Variants in ACER1 observed in about 807,000 individuals in gnomAD.
ACER1 encodes alkaline ceramidase 1.
ACER1 carries 28 observed loss-of-function variants against 24.9 expected under a neutral mutation model. The observed-to-expected ratio is 1.13, with a 90% CI of 0.83 to 1.54. The LOEUF (loss-of-function observed/expected upper bound fraction) is 1.54. ACER1 is among the 40% of genes most tolerant of loss of function. The pLI, the probability that ACER1 is intolerant of heterozygous loss-of-function variation, is 0.00. For synonymous variants in ACER1, 132 were observed against 131.4 expected (o/e 1.00, Z -0.03); for missense variants, 352 against 349.3 (o/e 1.01, Z -0.06).
upstream of ACER1, among the ~76,000 whole-genome samples, chr19:6,337,906 C>T (rs2091721464): frequency 1.3e-5 from 2 of 150,318 alleles, no homozygotes; most frequent in Non-Finnish European, 3.0e-5. Flanking sequence ...CTCGATCTCC[C>T]GACCTCGTGA....
At chr19:6,316,069 A>G (rs1304317833) in intron 1 of ACER1, among the ~76,000 whole-genome samples, 1 of 152,162 alleles carries the variant, frequency 6.6e-6, no homozygotes, top group Non-Finnish European at 1.5e-5. Context: ...CAGAGGTTGC[A>G]GTGAGCTGAG....
the ACER1 span, among the ~76,000 whole-genome samples, chr19:6,354,352 G>A: frequency 4.5e-3 from 691 of 152,106 alleles, 5 homozygotes; most frequent in African/African-American, 0.016. Context: ...GGGTGCTCCT[G>A]TTATCGAGTG....
intron 1 of ACER1, among the ~76,000 whole-genome samples, chr19:6,332,344 C>T (rs2091691869): frequency 6.8e-6 from 1 of 146,746 alleles, no homozygotes; most frequent in Admixed American, 6.9e-5. Context: ...GACCTCAGCT[C>T]ACTGCATCCT....
At chr19:6,325,931 A>T (rs1396107859) in intron 1 of ACER1, among the ~76,000 whole-genome samples, 2 of 151,586 alleles carry the variant, frequency 1.3e-5, no homozygotes, top group Non-Finnish European at 2.9e-5. Flanking sequence ...TTTCCATGGT[A>T]TTGTTTGTTT....
the ACER1 span, among the ~76,000 whole-genome samples, chr19:6,350,531 G>A: frequency 0.26 from 39,565 of 149,704 alleles, 7,191 homozygotes; most frequent in African/African-American, 0.51. Context: ...AGATCGTGCC[G>A]CTGCACTCCA....
In ACER1 at chr19:6,330,717, C is replaced by G. The variant is rs1188922053; in HGVS notation, c.93+2742G>C. ...AGAGAGAAGAGCTCTAGAGCCCTTA[C>G]CCATCATCTCAGCCTCGTAGGACCA... is the stretch of plus-strand genomic sequence containing the variant. On this transcript the variant is annotated intron_variant, in intron 1 of 5. Transcript: ENST00000301452. Among the ~76,000 whole-genome samples, 9 of 149,906 alleles carry G rather than the reference C, an allele frequency of 6.0e-5. 2 individuals are homozygous for G. The highest frequency in any genetic ancestry group is 1.8e-4 in the African/African-American group (7 of 39,512).
chr19:6,328,606 G>A (rs1031312599), intron 1 of ACER1, among the ~76,000 whole-genome samples: 1 of 151,826 alleles, frequency 6.6e-6, no homozygotes, highest in African/African-American at 2.4e-5. Flanking sequence ...ATCACTTTGG[G>A]AAGTGAAGGC....
In ACER1 at chr19:6,333,586, C is replaced by T. The variant is rs1051689004; in HGVS notation, c.-35G>A. The T allele has an allele frequency of 3.9e-6, 6 of 1,538,166 alleles. No homozygotes were observed. Among genetic ancestry groups the T allele is most frequent in the Non-Finnish European group, 3.5e-6 (4 of 1,135,980 alleles). ...GTGGCCACCACCAGCCGGCTGCGCC[C>T]GGCAGAGAGAAGGCGAGCTTGGGAA... On this transcript the variant is annotated 5_prime_UTR_variant, in exon 1 of 6. Transcript: ENST00000301452.
upstream of ACER1, among the ~76,000 whole-genome samples, chr19:6,334,400 A>G (rs1289165189): frequency 6.6e-6 from 1 of 151,388 alleles, no homozygotes. Context: ...GCTGGAGTGT[A>G]GTGGCGCAAT....
intron 1 of ACER1, among the ~76,000 whole-genome samples, chr19:6,323,841 G>A (rs1201507943): frequency 6.6e-6 from 1 of 151,904 alleles, no homozygotes; most frequent in Non-Finnish European, 1.5e-5. Context: ...GAGCTTATGA[G>A]ACCTGCCATT....
At chr19:6,315,926 G>C (rs1018923069) in intron 1 of ACER1, among the ~76,000 whole-genome samples, 1 of 152,160 alleles carries the variant, frequency 6.6e-6, no homozygotes, top group Non-Finnish European at 1.5e-5. Context: ...TCAGGAATTC[G>C]AGACCAGCCT....
chr19:6,347,511 T>C, the ACER1 span, among the ~76,000 whole-genome samples: 2 of 126,960 alleles, frequency 1.6e-5, no homozygotes, highest in Admixed American at 7.2e-5. Context: ...CGAGCCACTG[T>C]GTGGAAACAG....
At position 6,322,955 on chromosome 19, in the gene ACER1, A is replaced by G. The variant is rs1036702180; in HGVS notation, c.94-10456T>C. Among the ~76,000 whole-genome samples the G allele has an allele frequency of 3.5e-4, 53 of 152,062 alleles. 1 individual carries two copies. The highest frequency in any genetic ancestry group is 1.5e-5 in the Non-Finnish European group (1 of 68,022). On this transcript the variant is annotated intron_variant, in intron 1 of 5. Transcript: ENST00000301452. ...GAGAAACCCCATCTCTACTGAAAAT[A>G]CAAAAAATTAGCCAGGTGTGGTGGT...
At chr19:6,322,872 A>G (rs2091637964) in intron 1 of ACER1, among the ~76,000 whole-genome samples, 1 of 152,226 alleles carries the variant, frequency 6.6e-6, no homozygotes, top group Admixed American at 6.6e-5. Context: ...GCACTTTGGG[A>G]GAACAAGGTG....
the ACER1 span, among the ~76,000 whole-genome samples, chr19:6,339,245 T>A: frequency 6.6e-6 from 1 of 152,122 alleles, no homozygotes. Flanking sequence ...AAACACAATG[T>A]GTGTGGTTCA....
At chr19:6,348,632 A>G in the ACER1 span, among the ~76,000 whole-genome samples, 1 of 151,542 alleles carries the variant, frequency 6.6e-6, no homozygotes, top group South Asian at 2.1e-4. Flanking sequence ...TGATATCGAC[A>G]TGGAATGCTC....
Position 6,309,670 on chromosome 19 carries a change from GCCCAGGCA to G in ACER1, c.488+19_488+26del. The G allele has an allele frequency of 6.2e-7, 1 of 1,613,270 alleles. No individual in the cohort carries two copies. On this transcript the variant is annotated intron_variant, in intron 4 of 5. Coordinates refer to ENST00000301452, the MANE Select transcript of ACER1 (RefSeq NM_133492.3). ...GCTAGGAGGGGGATGGGAGCCTCCT[GCCCAGGCA>G]CCTGCAGCCTTCACTCACTTCCTGT...
chr19:6,311,344 G>C (rs1246453188), intron 3 of ACER1, among the ~76,000 whole-genome samples: 3 of 152,030 alleles, frequency 2.0e-5, no homozygotes, highest in Non-Finnish European at 4.4e-5. Flanking sequence ...AGGAGATCGA[G>C]ACCAGCCTGG....
intron 1 of ACER1, among the ~76,000 whole-genome samples, chr19:6,312,920 G>A (rs576386842): frequency 2.0e-5 from 3 of 151,876 alleles, no homozygotes; most frequent in Non-Finnish European, 2.9e-5. Context: ...CAGGTGATCC[G>A]CCCATCTTGG....
Sources: allele counts gnomAD v4.1 joint callset (sites outside exome capture counted in the v4.1 genomes callset), GRCh38; gene constraint gnomAD v4.1.1; transcripts MANE v1.5; gene names NCBI Gene and HGNC (gene_info 2026-07-23, HGNC 2026-07-21).